SPOCK3: variants seen among roughly 807,000 people sequenced by gnomAD.
SPOCK3 encodes the protein SPARC (osteonectin), cwcv and kazal like domains proteoglycan 3, also known as testican-3.
In SPOCK3, 30 loss-of-function variants were observed where a neutral mutation model predicts 56.6. That is an observed-to-expected ratio of 0.53 (90% CI 0.40 to 0.72). The LOEUF (loss-of-function observed/expected upper bound fraction) is 0.72, where lower values mean the gene tolerates loss of function less well. Among genes scored for constraint, SPOCK3 ranks in the 30% least tolerant of loss-of-function variants. The pLI, the probability that SPOCK3 is intolerant of heterozygous loss-of-function variation, is 0.00. For missense variants in SPOCK3, 527 were observed against 530.0 expected (o/e 0.99, Z 0.06); for synonymous variants, 196 against 183.3 (o/e 1.07, Z -0.56).
At chr4:167,166,822 G>T (rs1730003919) in intron 2 of SPOCK3, among the ~76,000 whole-genome samples, 1 of 152,094 alleles carries the variant, frequency 6.6e-6, no homozygotes, top group African/African-American at 2.4e-5. Context: ...TTTGTATCAT[G>T]ATTCTGTAGC....
At chr4:166,832,599 A>G (rs1399873081) in intron 6 of SPOCK3, among the ~76,000 whole-genome samples, 1 of 152,218 alleles carries the variant, frequency 6.6e-6, no homozygotes, top group Non-Finnish European at 1.5e-5. Flanking sequence ...TCTACCAAAA[A>G]GACACACGTA....
chr4:166,825,539 T>C (rs1745369499), intron 6 of SPOCK3, among the ~76,000 whole-genome samples: 1 of 152,058 alleles, frequency 6.6e-6, no homozygotes, highest in Admixed American at 6.6e-5. Flanking sequence ...CTACTGGGTA[T>C]CTACCCATAG....
At chr4:166,850,909 C>T (rs1337194572) in intron 6 of SPOCK3, among the ~76,000 whole-genome samples, 1 of 152,218 alleles carries the variant, frequency 6.6e-6, no homozygotes, top group East Asian at 1.9e-4. Flanking sequence ...CCACCATTGC[C>T]CAGGCTTGCT....
At chr4:166,946,978 A>G (rs1741840966) in intron 4 of SPOCK3, among the ~76,000 whole-genome samples, 1 of 152,314 alleles carries the variant, frequency 6.6e-6, no homozygotes, top group East Asian at 1.9e-4. Context: ...TCAATTTGTC[A>G]TCTCTAAGTT....
At chr4:166,754,070 AT>A (rs1400131035) in intron 8 of SPOCK3, 2 of 951,790 alleles carry the variant, frequency 2.1e-6, no homozygotes, top group Non-Finnish European at 2.5e-6. Context: ...AAATAACTTT[AT>A]GGTGAATGCT....
At chr4:167,029,299 T>C (rs979976014) in intron 3 of SPOCK3, among the ~76,000 whole-genome samples, 1 of 150,966 alleles carries the variant, frequency 6.6e-6, no homozygotes, top group Non-Finnish European at 1.5e-5. Context: ...TTTGGGCTTA[T>C]AAAATTAGTC....
intron 2 of SPOCK3, among the ~76,000 whole-genome samples, chr4:167,093,504 C>A (rs971514861): frequency 1.3e-5 from 2 of 152,094 alleles, no homozygotes; most frequent in African/African-American, 4.8e-5. Flanking sequence ...CATGTGTTCT[C>A]ATTGTTCAAC....
chr4:167,074,054 T>C (rs373054505), intron 2 of SPOCK3, among the ~76,000 whole-genome samples: 1 of 139,784 alleles, frequency 7.2e-6, no homozygotes, highest in African/African-American at 2.6e-5. Context: ...ACACACTTTC[T>C]AAAAAAAAAA....
intron 4 of SPOCK3, among the ~76,000 whole-genome samples, chr4:166,980,174 G>A (rs1746411097): frequency 2.6e-5 from 4 of 152,136 alleles, no homozygotes; most frequent in Admixed American, 2.6e-4. Context: ...GTATTTATAT[G>A]TCTATTCTTC....
chr4:166,792,566 T>C (rs1290787545), intron 6 of SPOCK3, among the ~76,000 whole-genome samples: 1 of 152,122 alleles, frequency 6.6e-6, no homozygotes, highest in Non-Finnish European at 1.5e-5. Context: ...ATCACAAAAA[T>C]TGAGTCATAA....
intron 4 of SPOCK3, among the ~76,000 whole-genome samples, chr4:166,991,493 C>A (rs558019118): frequency 2.0e-5 from 3 of 152,054 alleles, no homozygotes; most frequent in Non-Finnish European, 4.4e-5. Context: ...CCTCAGCCTC[C>A]TGAGCAGCTG....
At chr4:166,939,660 A>G (rs1261965086) in intron 4 of SPOCK3, among the ~76,000 whole-genome samples, 1 of 152,198 alleles carries the variant, frequency 6.6e-6, no homozygotes, top group Non-Finnish European at 1.5e-5. Context: ...CATATAATAC[A>G]TAGTAGGAGC....
intron 2 of SPOCK3, among the ~76,000 whole-genome samples, chr4:167,132,360 G>C (rs539837134): frequency 6.6e-6 from 1 of 152,100 alleles, no homozygotes; most frequent in Non-Finnish European, 1.5e-5. Context: ...CAGAAGACAA[G>C]CCAAATATCA....
chr4:166,753,395 G>A (rs1201087935), intron 8 of SPOCK3, among the ~76,000 whole-genome samples: 1 of 151,938 alleles, frequency 6.6e-6, no homozygotes, highest in Non-Finnish European at 1.5e-5. Context: ...CCAACAATGT[G>A]TGTTTGTGTG....
At chr4:167,183,516 A>T (rs1211823102) in intron 2 of SPOCK3, among the ~76,000 whole-genome samples, 1 of 152,210 alleles carries the variant, frequency 6.6e-6, no homozygotes, top group East Asian at 1.9e-4. Flanking sequence ...TCTTAAAGAC[A>T]TATGAATAAA....
intron 2 of SPOCK3, among the ~76,000 whole-genome samples, chr4:167,078,510 G>T (rs557831954): frequency 2.1e-4 from 32 of 151,766 alleles, no homozygotes; most frequent in African/African-American, 7.7e-4. Flanking sequence ...TTTATTTCCA[G>T]ATTCAAAGCA....
rs531835338 is a variant in SPOCK3 at position 167,043,217 on chromosome 4, G to A, written c.235+19275C>T. Among the ~76,000 whole-genome samples the A allele has an allele frequency of 3.9e-4, 59 of 152,114 alleles. No individual in the cohort carries two copies. In the East Asian group the frequency reaches 0.011, roughly 28 times the overall value. On this transcript the variant is annotated intron_variant, in intron 3 of 10. Transcript: ENST00000357545. ...TATATTTGGTTAGATTTATACCTAA[G>A]TATTTCATCCTAGAGGGTACTAATG... is the stretch of plus-strand genomic sequence containing the variant.
intron 6 of SPOCK3, among the ~76,000 whole-genome samples, chr4:166,856,503 C>T (rs555368683): frequency 5.9e-5 from 9 of 152,160 alleles, no homozygotes; most frequent in African/African-American, 1.7e-4. Context: ...CGGCCAGGCA[C>T]GGTGGCTCAC....
chr4:167,019,415 T>C (rs1750957784), intron 3 of SPOCK3, among the ~76,000 whole-genome samples: 2 of 151,912 alleles, frequency 1.3e-5, no homozygotes, highest in Non-Finnish European at 2.9e-5. Flanking sequence ...TATATAAATA[T>C]ATACAGTTAG....
Sources: gnomAD v4.1 joint callset for allele counts (sites outside exome capture counted in the v4.1 genomes callset) on GRCh38, gnomAD v4.1.1 for gene constraint, MANE v1.5 for transcripts, NCBI Gene and HGNC (gene_info 2026-07-23, HGNC 2026-07-21) for gene names.